The following MEF2A variants were observed in gnomAD, a reference collection of about 807,000 sequenced individuals.
MEF2A encodes myocyte enhancer factor 2A, also known as myocyte-specific enhancer factor 2A.
In MEF2A, 28 loss-of-function variants were observed where a neutral mutation model predicts 55.8. That is an observed-to-expected ratio of 0.50 (90% CI 0.37 to 0.69). The LOEUF (loss-of-function observed/expected upper bound fraction) is 0.69. MEF2A is among the 30% of genes least tolerant of loss of function. The probability of loss-of-function intolerance (pLI) is 0.00; values close to 1 mark genes in which losing one functional copy is unlikely to be tolerated. For missense variants in MEF2A, 528 were observed against 626.2 expected (o/e 0.84, Z 1.67); for synonymous variants, 239 against 227.1 (o/e 1.05, Z -0.47).
At chr15:99,607,951 TTGAGCCATAGTCTTGC>T (rs1410309115) in intron 2 of MEF2A, among the ~76,000 whole-genome samples, 1 of 152,198 alleles carries the variant, frequency 6.6e-6, no homozygotes, top group Non-Finnish European at 1.5e-5. Context: ...TGTAGGAGTT[TTGAGCCATAGTCTTGC>T]TGTGCTTTGT....
In MEF2A at chr15:99,714,819, C is replaced by T. The variant is rs1231787864; in HGVS notation, c.*2048C>T. Reference sequence around the variant, plus strand: ...TTTGTTCCCCCCCCCCCACCCCCCCCCCAAATTACGTTCCTTTTGACATTT... The same window carrying T: ...TTTGTTCCCCCCCCCCCACCCCCCCTCCAAATTACGTTCCTTTTGACATTT... On this transcript the variant is annotated 3_prime_UTR_variant, in exon 12 of 12. Transcript: ENST00000557942. 1.5e-5 allele frequency: 2 copies of T among 132,222 alleles called. No homozygotes were observed. Among genetic ancestry groups the T allele is most frequent in the East Asian group, 2.6e-4 (1 of 3,912 alleles). 8.2% of individuals were successfully genotyped at this position (132,222 alleles called of 1,614,324 possible).
intron 8 of MEF2A, among the ~76,000 whole-genome samples, chr15:99,702,669 G>A (rs187797822): frequency 1.5e-3 from 227 of 152,072 alleles, no homozygotes; most frequent in African/African-American, 5.3e-3. Context: ...GTGAGCCACC[G>A]TGCCCAGCCT....
At chr15:99,600,195 A>G (rs1320382225) in intron 2 of MEF2A, among the ~76,000 whole-genome samples, 2 of 152,196 alleles carry the variant, frequency 1.3e-5, no homozygotes, top group South Asian at 2.1e-4. Context: ...GGCTGTGGGT[A>G]TAACTTCAGA....
At position 99,716,464 on chromosome 15, in the gene MEF2A, T is replaced by G; in HGVS notation, c.*3693T>G. 1 of 456,842 alleles carries G rather than the reference T, an allele frequency of 2.2e-6. No individual in the cohort carries two copies. The highest frequency in any genetic ancestry group is 4.4e-6 in the Non-Finnish European group (1 of 226,990). The allele number at this position is 456,842 out of a possible 1,614,324, so 28.3% of individuals were successfully genotyped here. ...TGTTTGTCTCCCGCACTCACTCCAGTAAAGACGGACTGGCTCTTCCTGTGC... is the reference window on the plus strand; with the variant it reads ...TGTTTGTCTCCCGCACTCACTCCAGGAAAGACGGACTGGCTCTTCCTGTGC... On this transcript the variant is annotated 3_prime_UTR_variant, in exon 12 of 12. Transcript: ENST00000557942.
At chr15:99,581,418 T>C (rs1312536162) in intron 1 of MEF2A, among the ~76,000 whole-genome samples, 4 of 152,100 alleles carry the variant, frequency 2.6e-5, no homozygotes, top group Non-Finnish European at 5.9e-5. Context: ...AGCTTTCTTT[T>C]TTTTTTTTCA....
Position 99,712,589 on chromosome 15 carries a change from C to T in MEF2A, c.1336C>T (p.Gln446Ter). 6.4e-7 allele frequency: 1 copy of T among 1,551,688 alleles called. No individual in the cohort carries two copies. Among genetic ancestry groups the T allele is most frequent in the Non-Finnish European group, 8.7e-7 (1 of 1,147,010 alleles). Residue 446 changes from glutamine (Q) to a stop codon, truncating the protein, a stop_gained, in exon 12 of 12, where the codon CAG becomes TAG. Coordinates refer to ENST00000557942, the MANE Select transcript of MEF2A (RefSeq NM_001319206.4). LOFTEE classifies it high-confidence loss of function. This position sits in a 1 kb window ranked among gnomAD's most constrained non-coding sequence, Gnocchi z 4.1. The part of the protein sequence containing the change: ...QPQPPQPQPR[Q>*]EMGRSPVDSL... ...ACAACCCCCGCAGCCCCAGCCCCGA[C>T]AGGAAATGGGGCGCTCCCCTGTGGA... is the stretch of plus-strand genomic sequence containing the variant.
At chr15:99,624,160 G>T (rs1445757428) in intron 2 of MEF2A, among the ~76,000 whole-genome samples, 3 of 152,122 alleles carry the variant, frequency 2.0e-5, no homozygotes, top group Non-Finnish European at 2.9e-5. Context: ...TGTTGATAGT[G>T]CCGTTTGATG....
intron 4 of MEF2A, among the ~76,000 whole-genome samples, chr15:99,650,977 G>A (rs1596805802): frequency 6.6e-6 from 1 of 152,148 alleles, no homozygotes; most frequent in Non-Finnish European, 1.5e-5. Flanking sequence ...CTTGGGAGTG[G>A]TTATCCAGCT....
Position 99,713,610 on chromosome 15 carries a change from T to A in MEF2A, c.*839T>A, listed in dbSNP as rs933158167. 7.2e-5 allele frequency: 11 copies of A among 152,226 alleles called. No homozygotes were observed. The highest frequency in any genetic ancestry group is 2.2e-4 in the African/African-American group (9 of 41,468). The allele number at this position is 152,226 out of a possible 1,614,324, so 9.4% of individuals were successfully genotyped here. ...ATATGAAAGAAAACACCCTTATGAATTGATGACTATATATAAAATTATATT... is the reference window on the plus strand; with the variant it reads ...ATATGAAAGAAAACACCCTTATGAAATGATGACTATATATAAAATTATATT... On this transcript the variant is annotated 3_prime_UTR_variant, in exon 12 of 12. Transcript: ENST00000557942.
intron 2 of MEF2A, among the ~76,000 whole-genome samples, chr15:99,599,339 T>G (rs901977640): frequency 1.3e-5 from 2 of 152,146 alleles, no homozygotes; most frequent in African/African-American, 4.8e-5. Flanking sequence ...TAGATATCAT[T>G]GATCCAGGCT....
chr15:99,620,608 TTC>T (rs1425250952), intron 2 of MEF2A, among the ~76,000 whole-genome samples: 7 of 152,184 alleles, frequency 4.6e-5, no homozygotes, highest in African/African-American at 1.7e-4. Flanking sequence ...TCTAGGTTGA[TTC>T]TGTGTCTTTG....
At chr15:99,636,527 T>A (rs2043878307) in intron 3 of MEF2A, among the ~76,000 whole-genome samples, 1 of 152,134 alleles carries the variant, frequency 6.6e-6, no homozygotes, top group South Asian at 2.1e-4. Flanking sequence ...TTTATTTTTT[T>A]GTAGAGATGG....
chr15:99,593,272 C>T (rs183498533), intron 1 of MEF2A, among the ~76,000 whole-genome samples: 5 of 152,168 alleles, frequency 3.3e-5, no homozygotes, highest in African/African-American at 9.6e-5. Context: ...TCTTGGCTTC[C>T]CTTTTCTGCA....
Position 99,575,757 on chromosome 15 carries a change from C to A in MEF2A, c.-225+9653C>A, listed in dbSNP as rs182007146. 2.0e-5 allele frequency among the ~76,000 whole-genome samples: 3 copies of A among 152,254 alleles called. No homozygotes were observed. In the East Asian group the frequency reaches 5.8e-4, roughly 29 times the overall value. ...AATTGCAAAATAGTGTTTTTCTAACCATCGTTCCCTCTCCATTTATTAGTG... is the reference window on the plus strand; with the variant it reads ...AATTGCAAAATAGTGTTTTTCTAACAATCGTTCCCTCTCCATTTATTAGTG... On this transcript the variant is annotated intron_variant, in intron 1 of 11. Coordinates refer to ENST00000557942, the MANE Select transcript of MEF2A (RefSeq NM_001319206.4).
At chr15:99,602,565 A>C (rs1280716203) in intron 2 of MEF2A, among the ~76,000 whole-genome samples, 1 of 151,312 alleles carries the variant, frequency 6.6e-6, no homozygotes, top group Non-Finnish European at 1.5e-5. Context: ...ACTGCCTTTC[A>C]CTGGCTTGGG....
intron 1 of MEF2A, among the ~76,000 whole-genome samples, chr15:99,577,624 C>G (rs997088217): frequency 6.6e-6 from 1 of 152,198 alleles, no homozygotes; most frequent in African/African-American, 2.4e-5. Flanking sequence ...TACTGTTTAC[C>G]TTTTCACTAT....
intron 4 of MEF2A, among the ~76,000 whole-genome samples, chr15:99,653,835 T>A (rs1464247171): frequency 6.6e-6 from 1 of 152,184 alleles, no homozygotes; most frequent in Non-Finnish European, 1.5e-5. Flanking sequence ...TTTTCTGTCA[T>A]GCTTTGTTTT....
chr15:99,577,448 C>T (rs1596241672), intron 1 of MEF2A, among the ~76,000 whole-genome samples: 1 of 151,856 alleles, frequency 6.6e-6, no homozygotes, highest in African/African-American at 2.4e-5. Flanking sequence ...TGGACATAGA[C>T]GATTTGTGCT....
intron 1 of MEF2A, among the ~76,000 whole-genome samples, chr15:99,576,835 G>A (rs1028688091): frequency 1.3e-5 from 2 of 152,016 alleles, no homozygotes; most frequent in East Asian, 3.9e-4. Context: ...TTTTAGTAGA[G>A]ACGGGGTTTC....
Sources: allele counts gnomAD v4.1 joint callset (sites outside exome capture counted in the v4.1 genomes callset), GRCh38; gene constraint gnomAD v4.1.1; non-coding constraint Gnocchi (gnomAD v3.1); transcripts MANE v1.5; gene names NCBI Gene and HGNC (gene_info 2026-07-23, HGNC 2026-07-21).